PCID2: variants seen among roughly 807,000 people sequenced by gnomAD.
PCID2 encodes PCI domain containing 2, also known as PCI domain-containing protein 2.
In PCID2, 41 loss-of-function variants were observed where a neutral mutation model predicts 61.3. That is an observed-to-expected ratio of 0.67 (90% CI 0.52 to 0.87). The LOEUF is 0.87. Among genes scored for constraint, PCID2 ranks in the 40% least tolerant of loss-of-function variants. The probability of loss-of-function intolerance (pLI) is 0.00; values close to 1 mark genes in which losing one functional copy is unlikely to be tolerated. For missense variants in PCID2, 392 were observed against 493.4 expected (o/e 0.79, Z 1.95); for synonymous variants, 187 against 177.8 (o/e 1.05, Z -0.41).
At chr13:113,193,984 C>T (rs180936675) in intron 6 of PCID2, among the ~76,000 whole-genome samples, 20 of 152,258 alleles carry the variant, frequency 1.3e-4, no homozygotes, top group Admixed American at 6.5e-4. Context: ...TGAGGCACTA[C>T]CTGACGAGAC....
At chr13:113,172,257 C>T in the PCID2 span, 13 of 1,070,700 alleles carry the variant, frequency 1.2e-5, no homozygotes, top group African/African-American at 7.8e-5. Context: ...GCAGAGCCGC[C>T]GTTTGCTGGG....
chr13:113,184,420 T>A lies in PCID2; in HGVS notation c.611A>T (p.Tyr204Phe). ...GTATGTTACTCTCTGTGCAGTGCTG[T>A]AATCGTCTTTCAGGTTTGAGCTGTC... Reference protein sequence around the residue: ...AIDSSNLKDDYSTAQRVTYKY... With the variant: ...AIDSSNLKDDFSTAQRVTYKY... Residue 204 changes from tyrosine to phenylalanine, a missense_variant, in exon 9 of 14, where the codon TAC becomes TTC. By Grantham distance (22) the Tyr-to-Phe change is conservative. This residue lies in a region of PCID2 where 226 missense variants were observed against 296.5 expected (regional missense o/e 0.76). Coordinates refer to ENST00000337344, the MANE Select transcript of PCID2 (RefSeq NM_001127202.4). 1 of 1,607,570 alleles carries A rather than the reference T, an allele frequency of 6.2e-7. No individual in the cohort carries two copies. Among genetic ancestry groups the A allele is most frequent in the Non-Finnish European group, 8.5e-7 (1 of 1,173,896 alleles).
chr13:113,180,017 C>CCCT lies in PCID2; in HGVS notation c.885_886insAGG (p.His295_Glu296insArg), dbSNP rs1566941046. ...AAGGCCTCGTGCTTCGCCAGCGCCT[C>CCCT]GTGCAGCAGCAGCAGGTTGCCCTCG... On this transcript the variant is annotated inframe_insertion, in exon 12 of 14. Coordinates refer to ENST00000337344, the MANE Select transcript of PCID2 (RefSeq NM_001127202.4). 22 of 1,614,016 alleles carry CCCT rather than the reference C, an allele frequency of 1.4e-5. No homozygotes were observed. The highest frequency in any genetic ancestry group is 1.7e-5 in the Non-Finnish European group (20 of 1,180,022).
intron 7 of PCID2, among the ~76,000 whole-genome samples, chr13:113,189,879 C>T (rs550806820): frequency 4.6e-5 from 7 of 152,056 alleles, no homozygotes; most frequent in Admixed American, 6.5e-5. Context: ...AAAAAGTAGC[C>T]GGACGTGGTG....
At chr13:113,196,061 C>T (rs1416561587) in intron 5 of PCID2, 120 bp downstream of exon 5, 8 of 730,622 alleles carry the variant, frequency 1.1e-5, no homozygotes, top group Non-Finnish European at 1.7e-5. Flanking sequence ...TATGTCAACA[C>T]ACTGATTACC....
At chr13:113,174,222 A>G (rs2476327), downstream of PCID2, among the ~76,000 whole-genome samples, 134,774 of 150,078 alleles carry the variant, frequency 0.9, 62,244 homozygotes, top group East Asian at 1. Flanking sequence ...TGGGCAACAG[A>G]GCGAGACTCC....
chr13:113,184,443 G>A lies in PCID2; in HGVS notation c.588C>T (p.Asp196=), dbSNP rs751294333. ...TGTAATCGTCTTTCAGGTTTGAGCT[G>A]TCAATTGCTCTAATTAGGGGTTTAC... is the stretch of plus-strand genomic sequence containing the variant. ...HLCKPLIRAI[D]SSNLKDDYST... Residue 196 remains aspartate (D), a synonymous_variant, in exon 9 of 14, where the codon GAC becomes GAT. Transcript: ENST00000337344. 4 of 1,593,854 alleles carry A rather than the reference G, an allele frequency of 2.5e-6. No homozygotes were observed. Among genetic ancestry groups the A allele is most frequent in the Non-Finnish European group, 3.4e-6 (4 of 1,161,492 alleles).
chr13:113,206,509 A>C (rs1190762626), intron 1 of PCID2, among the ~76,000 whole-genome samples: 1 of 152,222 alleles, frequency 6.6e-6, no homozygotes, highest in Non-Finnish European at 1.5e-5. Context: ...AGGAGGAGTC[A>C]ATGATTTCCC....
the PCID2 span, chr13:113,165,204 C>G: frequency 7.2e-7 from 1 of 1,395,240 alleles, no homozygotes; most frequent in Non-Finnish European, 1.0e-6. Context: ...ATGTTGACAA[C>G]TAAGTGAATC....
At chr13:113,193,695 CTT>C (rs2038788452) in intron 6 of PCID2, among the ~76,000 whole-genome samples, 1 of 151,948 alleles carries the variant, frequency 6.6e-6, no homozygotes, top group Admixed American at 6.6e-5. Context: ...AAAATAAAAG[CTT>C]TCTGAGGTCT....
At chr13:113,191,003 A>C (rs1434308100) in intron 6 of PCID2, 28 bp from the exon 7 acceptor site, 1 of 1,537,920 alleles carries the variant, frequency 6.5e-7, no homozygotes, top group South Asian at 1.1e-5. Context: ...CTTTTATTTC[A>C]TTTTTCCGAA....
intron 4 of PCID2, 195 bp downstream of exon 4, chr13:113,196,974 ACTAAGTACT>A: frequency 7.4e-7 from 1 of 1,342,520 alleles, no homozygotes; most frequent in South Asian, 1.2e-5. Flanking sequence ...GTTCTTCCTT[ACTAAGTACT>A]GCACGAGTCT....
downstream of PCID2, among the ~76,000 whole-genome samples, chr13:113,174,098 C>T (rs2476326): frequency 0.75 from 113,068 of 151,648 alleles, 42,396 homozygotes; most frequent in Middle Eastern, 0.84. Flanking sequence ...CTTTGCCAAG[C>T]GTGGTGGCTC....
At chr13:113,201,057 G>T (rs996624711) in intron 1 of PCID2, among the ~76,000 whole-genome samples, 26 of 152,064 alleles carry the variant, frequency 1.7e-4, no homozygotes, top group Non-Finnish European at 3.4e-4. Context: ...ATATATGTTT[G>T]AAAATCCAAA....
rs770787135 is a variant in PCID2, at chr13:113,198,221, G to C, written c.170C>G (p.Pro57Arg). The change falls in exon 3 of 14, where the codon CCT becomes CGT. Residue 57 changes from proline (P) to arginine (R), a missense_variant. Physicochemically the swap from Pro to Arg is moderately radical, Grantham distance 103. Around this residue, in one of 3 missense-constraint regions of PCID2, gnomAD observed 155 missense variants for 164.9 expected, o/e 0.94. Coordinates refer to ENST00000337344, the MANE Select transcript of PCID2 (RefSeq NM_001127202.4). ...ATGAGCTGCAAACATTTCATCATAA[G>C]GGGGTTCCAAGACTTGTTGACACTT... ...EEKCQQVLEPPYDEMFAAHLR... is the reference protein window; with the variant it reads ...EEKCQQVLEPRYDEMFAAHLR... The C allele has an allele frequency of 1.2e-6, 2 of 1,608,558 alleles. No individual in the cohort carries two copies. Among genetic ancestry groups the C allele is most frequent in the East Asian group, 4.5e-5 (2 of 44,696 alleles).
At chr13:113,180,756 T>C (rs1265932538) in intron 10 of PCID2, among the ~76,000 whole-genome samples, 1 of 152,230 alleles carries the variant, frequency 6.6e-6, no homozygotes, top group Admixed American at 6.5e-5. Context: ...AGTAACTAAA[T>C]GAAATACCCA....
intron 9 of PCID2, among the ~76,000 whole-genome samples, chr13:113,181,871 C>T (rs1372384674): frequency 6.6e-6 from 1 of 152,142 alleles, no homozygotes; most frequent in East Asian, 1.9e-4. Context: ...CACGACAGGC[C>T]TGCAAAGAGT....
chr13:113,170,320 G>A, the PCID2 span: 1 of 780,530 alleles, frequency 1.3e-6, no homozygotes, highest in Non-Finnish European at 2.3e-6. Context: ...GGTGGGGGTG[G>A]GGGGGTGGTC....
chr13:113,191,181 A>T (rs7328852), intron 6 of PCID2, among the ~76,000 whole-genome samples: 3,656 of 151,810 alleles, frequency 0.024, 144 homozygotes, highest in African/African-American at 0.082. Context: ...TTGTTTTTTT[A>T]AAATTTATTT....
Sources: allele counts gnomAD v4.1 joint callset (sites outside exome capture counted in the v4.1 genomes callset), GRCh38; gene constraint gnomAD v4.1.1; regional missense constraint gnomAD v4.1.1; transcripts MANE v1.5; gene names NCBI Gene and HGNC (gene_info 2026-07-23, HGNC 2026-07-21).